Variants in FOXP1 observed in about 807,000 individuals in gnomAD.
FOXP1 encodes the protein forkhead box P1, also known as forkhead box protein P1.
Under a neutral mutation model 98.2 loss-of-function variants are expected in FOXP1, and 15 were observed. That is an observed-to-expected ratio of 0.15 (90% CI 0.10 to 0.24). The LOEUF is 0.24. Ranked by LOEUF, FOXP1 falls within the 10% of genes least tolerant of loss-of-function variation. The pLI, the probability that FOXP1 is intolerant of heterozygous loss-of-function variation, is 1.00. For synonymous variants in FOXP1, 371 were observed against 314.5 expected, an observed-to-expected ratio of 1.18 and a Z score of -1.90; for missense variants, 633 against 848.5, an observed-to-expected ratio of 0.75 and a Z score of 3.15.
intron 5 of FOXP1, among the ~76,000 whole-genome samples, chr3:71,215,747 T>A (rs894546413): frequency 6.6e-6 from 1 of 152,210 alleles, no homozygotes; most frequent in Admixed American, 6.5e-5. Flanking sequence ...AATGACAGCT[T>A]AGAGAGCAAC....
intron 17 of FOXP1, among the ~76,000 whole-genome samples, chr3:70,976,333 C>G (rs1211468818): frequency 2.0e-5 from 3 of 152,150 alleles, no homozygotes; most frequent in Non-Finnish European, 4.4e-5. Flanking sequence ...GGATTATAGG[C>G]ATGAGCCACT....
chr3:71,473,386 A>T (rs1257184557), intron 3 of FOXP1, among the ~76,000 whole-genome samples: 2 of 152,186 alleles, frequency 1.3e-5, no homozygotes, highest in Non-Finnish European at 2.9e-5. Context: ...AAAAAAATGA[A>T]GGAACTGAGA....
At chr3:71,486,133 C>T (rs997422736) in intron 3 of FOXP1, among the ~76,000 whole-genome samples, 3 of 152,106 alleles carry the variant, frequency 2.0e-5, no homozygotes, top group Non-Finnish European at 2.9e-5. Flanking sequence ...ATAAAACCCA[C>T]TTCTCACTCT....
rs3064895 is a variant in FOXP1, at chr3:71,173,383, TCACACACACACA to T, written c.180+24807_180+24818del. ...TCAATTTAGAAAAAAAAGAAAAAAT[TCACACACACACA>T]CACACACACACACACACACACACAC... On this transcript the variant is annotated intron_variant, in intron 6 of 20. Coordinates refer to ENST00000649528, the MANE Select transcript of FOXP1 (RefSeq NM_001349338.3). Among the ~76,000 whole-genome samples, 45 of 143,306 alleles carry T rather than the reference TCACACACACACA, an allele frequency of 3.1e-4. 1 individual carries two copies. The highest frequency in any genetic ancestry group is 2.0e-3 in the South Asian group (9 of 4,404). 94.0% of individuals were successfully genotyped at this position (143,306 alleles called of 152,430 possible).
chr3:71,021,408 T>C (rs1403185316), intron 11 of FOXP1, among the ~76,000 whole-genome samples: 1 of 152,236 alleles, frequency 6.6e-6, no homozygotes, highest in African/African-American at 2.4e-5. Context: ...TAGTATTCCA[T>C]TGTACATACA....
chr3:71,268,496 C>G (rs2069971483), intron 5 of FOXP1, among the ~76,000 whole-genome samples: 1 of 152,120 alleles, frequency 6.6e-6, no homozygotes, highest in African/African-American at 2.4e-5. Context: ...AACCGATCTT[C>G]TTCTCTTCCA....
intron 12 of FOXP1, among the ~76,000 whole-genome samples, chr3:71,013,463 A>G (rs1457073097): frequency 6.6e-6 from 1 of 152,226 alleles, no homozygotes; most frequent in Non-Finnish European, 1.5e-5. Context: ...GACCTCTTCA[A>G]GGAGAACTAC....
At chr3:71,557,737 T>C (rs779515682) in intron 2 of FOXP1, among the ~76,000 whole-genome samples, 3 of 152,270 alleles carry the variant, frequency 2.0e-5, no homozygotes, top group Non-Finnish European at 4.4e-5. Context: ...CTACCTTACA[T>C]GCCACATTAG....
Position 70,980,718 on chromosome 3 carries a change from C to T in FOXP1, c.1147-2689G>A, listed in dbSNP as rs75710243. Among the ~76,000 whole-genome samples the T allele has an allele frequency of 2.6e-4, 39 of 152,270 alleles. No individual in the cohort carries two copies. In the East Asian group the frequency reaches 3.3e-3, roughly 13 times the overall value. On this transcript the variant is annotated intron_variant, in intron 14 of 20. Coordinates refer to ENST00000649528, the MANE Select transcript of FOXP1 (RefSeq NM_001349338.3). ...CCCTGCTTATGCATGACAATCAACA[C>T]GTGTAACTGAGCAAATATAAGGCAG...
intron 3 of FOXP1, among the ~76,000 whole-genome samples, chr3:71,438,124 T>A (rs1387470628): frequency 1.3e-5 from 2 of 152,218 alleles, no homozygotes; most frequent in South Asian, 4.1e-4. Context: ...CAGGAAAATG[T>A]AGGCATCTAA....
chr3:71,057,240 GCTCT>G (rs547771338), intron 7 of FOXP1, among the ~76,000 whole-genome samples: 9 of 127,684 alleles, frequency 7.0e-5, no homozygotes, highest in African/African-American at 2.0e-4. Flanking sequence ...TTTAACTACA[GCTCT>G]CTAATATTTA....
At chr3:71,336,058 C>G (rs998618955) in intron 4 of FOXP1, among the ~76,000 whole-genome samples, 4 of 117,784 alleles carry the variant, frequency 3.4e-5, no homozygotes, top group African/African-American at 1.3e-4. Context: ...CAAGGTGAGT[C>G]TGAAACATTC....
At chr3:71,397,952 A>G (rs1038028787) in intron 3 of FOXP1, among the ~76,000 whole-genome samples, 2 of 152,226 alleles carry the variant, frequency 1.3e-5, no homozygotes, top group Admixed American at 1.3e-4. Flanking sequence ...AGGAAGAAGC[A>G]GAGAGAGTGG....
At position 71,487,892 on chromosome 3, in the gene FOXP1, A is replaced by G. The variant is rs149320375; in HGVS notation, c.-168+5534T>C. Among the ~76,000 whole-genome samples the G allele has an allele frequency of 1.1e-4, 17 of 152,332 alleles. No homozygotes were observed. The East Asian group carries it at 2.3e-3, about 21-fold the overall frequency. On this transcript the variant is annotated intron_variant, in intron 3 of 20. Transcript: ENST00000649528. Reference sequence around the variant, plus strand: ...ATTCTCATTCCTAGACTAATTTCCTATATCATAAAACCTATATTCAATTTT... The same window carrying G: ...ATTCTCATTCCTAGACTAATTTCCTGTATCATAAAACCTATATTCAATTTT...
At position 71,031,004 on chromosome 3, in the gene FOXP1, A is replaced by G. The variant is rs1035725208; in HGVS notation, c.869+10324T>C. Among the ~76,000 whole-genome samples, 5 of 152,214 alleles carry G rather than the reference A, an allele frequency of 3.3e-5. No homozygotes were observed. In the East Asian group the frequency reaches 5.8e-4, roughly 18 times the overall value. On this transcript the variant is annotated intron_variant, in intron 11 of 20. Transcript: ENST00000649528. ...AGATATCCGCCTGATTCTCAGGTCTATGGTCATGATTTCGGTGGAGTGTTC... is the reference window on the plus strand; with the variant it reads ...AGATATCCGCCTGATTCTCAGGTCTGTGGTCATGATTTCGGTGGAGTGTTC...
intron 3 of FOXP1, among the ~76,000 whole-genome samples, chr3:71,482,336 A>G (rs1390229811): frequency 6.6e-6 from 1 of 151,450 alleles, no homozygotes; most frequent in Admixed American, 6.6e-5. Flanking sequence ...CTACAAATTA[A>G]TATATAACAC....
intron 3 of FOXP1, among the ~76,000 whole-genome samples, chr3:71,397,603 A>G (rs924755801): frequency 6.6e-6 from 1 of 152,248 alleles, no homozygotes; most frequent in Non-Finnish European, 1.5e-5. Context: ...TATAATTACA[A>G]TGTATGGTCA....
chr3:71,121,631 AT>A (rs1354710925), intron 6 of FOXP1, among the ~76,000 whole-genome samples: 1 of 152,122 alleles, frequency 6.6e-6, no homozygotes, highest in Non-Finnish European at 1.5e-5. Flanking sequence ...CTTTGGAGGG[AT>A]TCCATTCAAG....
chr3:71,081,356 T>C (rs1034968179), intron 7 of FOXP1, among the ~76,000 whole-genome samples: 1 of 152,116 alleles, frequency 6.6e-6, no homozygotes, highest in African/African-American at 2.4e-5. Context: ...CACAGAATCA[T>C]AGAAACTCTG....
Sources: allele counts gnomAD v4.1 joint callset (sites outside exome capture counted in the v4.1 genomes callset), GRCh38; gene constraint gnomAD v4.1.1; transcripts MANE v1.5; gene names NCBI Gene and HGNC (gene_info 2026-07-23, HGNC 2026-07-21).